ENDOD1: variants seen among roughly 807,000 people sequenced by gnomAD.
ENDOD1 encodes endonuclease domain-containing 1 protein.
Under a neutral mutation model 6.5 loss-of-function variants are expected in ENDOD1, and 9 were observed. That is an observed-to-expected ratio of 1.39 (90% CI 0.84 to 2.43). The LOEUF (loss-of-function observed/expected upper bound fraction) is 2.43. Among genes scored for constraint, ENDOD1 ranks in the 30% most tolerant of loss-of-function variants. The pLI, the probability that ENDOD1 is intolerant of heterozygous loss-of-function variation, is 0.00. For synonymous variants in ENDOD1, 255 were observed against 255.2 expected, an observed-to-expected ratio of 1.00 and a Z score of 0.01; for missense variants, 648 against 635.5, an observed-to-expected ratio of 1.02 and a Z score of -0.21.
In ENDOD1 at chr11:95,130,096, T is replaced by A. The variant is rs906996832; in HGVS notation, c.*517T>A. 1 of 152,692 alleles carries A rather than the reference T, an allele frequency of 6.5e-6. No homozygotes were observed. Among genetic ancestry groups the A allele is most frequent in the Non-Finnish European group, 1.5e-5 (1 of 68,414 alleles). The allele number at this position is 152,692 out of a possible 1,614,324, so 9.5% of individuals were successfully genotyped here. ...ACCTTGGTGGAATGCAGATAATGCC[T>A]CTTTGTTGAAATAACTTTGTGGGAA... On this transcript the variant is annotated 3_prime_UTR_variant, in exon 2 of 2. Transcript: ENST00000278505.
At chr11:95,122,624 A>ACACT (rs1491366974) in intron 1 of ENDOD1, among the ~76,000 whole-genome samples, 1 of 150,390 alleles carries the variant, frequency 6.6e-6, no homozygotes, top group Non-Finnish European at 1.5e-5. Context: ...ACACACACAC[A>ACACT]GACACTTTAG....
At chr11:95,094,030 A>G (rs1390272440) in intron 1 of ENDOD1, among the ~76,000 whole-genome samples, 18 of 151,902 alleles carry the variant, frequency 1.2e-4, no homozygotes, top group African/African-American at 4.1e-4. Context: ...TAAGATGCCA[A>G]TGATACCTTT....
chr11:95,089,896 C>T lies in ENDOD1; in HGVS notation c.-32C>T, dbSNP rs888489623. On this transcript the variant is annotated 5_prime_UTR_variant, in exon 1 of 2. Transcript: ENST00000278505. Reference sequence around the variant, plus strand: ...AGAGCTCGCGCCGCGGCAGCCCAGCCGCTCGGCCCCGCCGCGCTCGCAGAG... The same window carrying T: ...AGAGCTCGCGCCGCGGCAGCCCAGCTGCTCGGCCCCGCCGCGCTCGCAGAG... 4 of 1,306,662 alleles carry T rather than the reference C, an allele frequency of 3.1e-6. No homozygotes were observed. The highest frequency in any genetic ancestry group is 3.9e-6 in the Non-Finnish European group (4 of 1,025,176). 80.9% of individuals were successfully genotyped at this position (1,306,662 alleles called of 1,614,324 possible).
intron 1 of ENDOD1, among the ~76,000 whole-genome samples, chr11:95,120,804 A>ACG (rs1859255932): frequency 6.6e-6 from 1 of 152,184 alleles, no homozygotes. Context: ...ATAGCACTTT[A>ACG]GCCTACAGTG....
chr11:95,129,723 G>A lies in ENDOD1; in HGVS notation c.*144G>A. The stretch of plus-strand genomic sequence containing the variant: ...CTGCTTGTTTTTGCAAAAGAAGATG[G>A]CAGAATTTAGACTTGACAGAGGAGA... On this transcript the variant is annotated 3_prime_UTR_variant, in exon 2 of 2. Transcript: ENST00000278505. The A allele has an allele frequency of 1.2e-6, 1 of 817,224 alleles. No individual in the cohort carries two copies. The highest frequency in any genetic ancestry group is 1.9e-6 in the Non-Finnish European group (1 of 527,330). 50.6% of individuals were successfully genotyped at this position (817,224 alleles called of 1,614,324 possible).
At chr11:95,122,520 G>T (rs936483103) in intron 1 of ENDOD1, among the ~76,000 whole-genome samples, 1 of 149,992 alleles carries the variant, frequency 6.7e-6, no homozygotes, top group East Asian at 2.0e-4. Flanking sequence ...TTATATGTGC[G>T]TGAGCCACCA....
chr11:95,128,492 A>G lies in ENDOD1; in HGVS notation c.416A>G (p.Tyr139Cys). 1 of 1,614,248 alleles carries G rather than the reference A, an allele frequency of 6.2e-7. No homozygotes were observed. Among genetic ancestry groups the G allele is most frequent in the Non-Finnish European group, 8.5e-7 (1 of 1,180,052 alleles). The change falls in exon 2 of 2, where the codon TAC becomes TGC. Residue 139 changes from tyrosine to cysteine, a missense_variant. Coordinates refer to ENST00000278505, the MANE Select transcript of ENDOD1 (RefSeq NM_015036.3). ...ALNTDYLDSDYQRGQLYPFSL... is the reference protein window; with the variant it reads ...ALNTDYLDSDCQRGQLYPFSL... ...AATACAGATTACCTTGATTCTGATT[A>G]CCAAAGAGGACAGCTTTACCCATTC...
chr11:95,102,368 TA>T (rs34465864), intron 1 of ENDOD1, among the ~76,000 whole-genome samples: 1,974 of 128,970 alleles, frequency 0.015, 25 homozygotes, highest in African/African-American at 0.039. Flanking sequence ...CTTTCCTGCT[TA>T]AAAAAAAAAA....
chr11:95,111,018 A>G (rs1291135882), intron 1 of ENDOD1, among the ~76,000 whole-genome samples: 1 of 152,180 alleles, frequency 6.6e-6, no homozygotes, highest in Non-Finnish European at 1.5e-5. Flanking sequence ...TGGGCCAAAG[A>G]AGGACAGAAA....
intron 1 of ENDOD1, among the ~76,000 whole-genome samples, chr11:95,100,161 G>A (rs1859024141): frequency 6.6e-6 from 1 of 152,052 alleles, no homozygotes; most frequent in African/African-American, 2.4e-5. Context: ...CTCCTTAGTG[G>A]ACAGACTTCC....
chr11:95,090,182 C>T lies in ENDOD1; in HGVS notation c.255C>T (p.Arg85=). The change falls in exon 1 of 2, where the codon CGC becomes CGT. Residue 85 remains arginine, a synonymous_variant. Transcript: ENST00000278505. ...IPVYSAFRAP[R]PAPGGAEQRW... ...TGTACTCCGCGTTCCGCGCCCCGCG[C>T]CCTGCGCCCGGCGGCGCCGAGCAGC... 6 of 1,426,490 alleles carry T rather than the reference C, an allele frequency of 4.2e-6. No homozygotes were observed. The highest frequency in any genetic ancestry group is 5.6e-6 in the Non-Finnish European group (6 of 1,073,826). 88.4% of individuals were successfully genotyped at this position (1,426,490 alleles called of 1,614,324 possible). A position where few individuals can be genotyped will look rare whatever the true frequency, so the allele number is the denominator to read the frequency against.
intron 1 of ENDOD1, among the ~76,000 whole-genome samples, chr11:95,095,840 G>T (rs1858978536): frequency 6.6e-6 from 1 of 152,148 alleles, no homozygotes; most frequent in African/African-American, 2.4e-5. Flanking sequence ...CAAATCCAAA[G>T]CTCTTAACTC....
At chr11:95,092,838 T>G (rs551099875) in intron 1 of ENDOD1, among the ~76,000 whole-genome samples, 1 of 152,298 alleles carries the variant, frequency 6.6e-6, no homozygotes, top group South Asian at 2.1e-4. Context: ...CAGGGCTCAA[T>G]GTGTACCCTT....
rs185967865 is a variant in ENDOD1, at chr11:95,130,919, A to G, written c.*1340A>G. The G allele has an allele frequency of 1.3e-5, 2 of 152,378 alleles. No individual in the cohort carries two copies. Among genetic ancestry groups the G allele is most frequent in the East Asian group, 3.9e-4 (2 of 5,190 alleles). The allele number at this position is 152,378 out of a possible 1,614,324, so 9.4% of individuals were successfully genotyped here. A position where few individuals can be genotyped will look rare whatever the true frequency, so the allele number is the denominator to read the frequency against. On this transcript the variant is annotated 3_prime_UTR_variant, in exon 2 of 2. Transcript: ENST00000278505. ...TGGATTTTTCTGAATGTTTTAAAGA[A>G]TTGCTGAGAGGTAGAAACAGCCAAG...
In ENDOD1 at chr11:95,128,836, C is replaced by G. The variant is rs1859339476; in HGVS notation, c.760C>G (p.Leu254Val). The change falls in exon 2 of 2, where the codon CTT (leucine) becomes GTT (valine). Residue 254 changes from leucine to valine, a missense_variant. Physicochemically the swap from Leu to Val is conservative, Grantham distance 32. Coordinates refer to ENST00000278505, the MANE Select transcript of ENDOD1 (RefSeq NM_015036.3). ...DIIEDVMVKD[L>V]QKLLPFNPQL... Reference sequence around the variant, plus strand: ...CATAGAAGATGTGATGGTAAAAGATCTTCAGAAACTGCTTCCATTTAACCC... The same window carrying G: ...CATAGAAGATGTGATGGTAAAAGATGTTCAGAAACTGCTTCCATTTAACCC... The G allele has an allele frequency of 1.2e-6, 2 of 1,614,176 alleles. No individual in the cohort carries two copies. The highest frequency in any genetic ancestry group is 4.5e-5 in the East Asian group (2 of 44,868).
intron 1 of ENDOD1, among the ~76,000 whole-genome samples, chr11:95,096,710 C>T (rs962778607): frequency 6.6e-6 from 1 of 152,122 alleles, no homozygotes; most frequent in African/African-American, 2.4e-5. Context: ...AGCCCTGAGC[C>T]CTCTGTCAAT....
chr11:95,126,174 CA>C (rs1261879642), intron 1 of ENDOD1, among the ~76,000 whole-genome samples: 1 of 152,090 alleles, frequency 6.6e-6, no homozygotes, highest in African/African-American at 2.4e-5. Context: ...GCCTTTATAC[CA>C]AGTTGCTCAT....
intron 1 of ENDOD1, among the ~76,000 whole-genome samples, chr11:95,102,549 G>A (rs1467279530): frequency 6.6e-6 from 1 of 152,090 alleles, no homozygotes; most frequent in Admixed American, 6.5e-5. Context: ...GCACATGCCT[G>A]TAATCCCAGC....
chr11:95,089,888 AG>A lies in ENDOD1; in HGVS notation c.-39del. 7.7e-7 allele frequency: 1 copy of A among 1,297,032 alleles called. No individual in the cohort carries two copies. The highest frequency in any genetic ancestry group is 9.8e-7 in the Non-Finnish European group (1 of 1,020,124). 80.3% of individuals were successfully genotyped at this position (1,297,032 alleles called of 1,614,324 possible). A position where few individuals can be genotyped will look rare whatever the true frequency, so the allele number is the denominator to read the frequency against. Reference sequence around the variant, plus strand: ...CAGCCTGCAGAGCTCGCGCCGCGGCAGCCCAGCCGCTCGGCCCCGCCGCGCT... The same window carrying A: ...CAGCCTGCAGAGCTCGCGCCGCGGCACCCAGCCGCTCGGCCCCGCCGCGCT... On this transcript the variant is annotated 5_prime_UTR_variant, in exon 1 of 2. Coordinates refer to ENST00000278505, the MANE Select transcript of ENDOD1 (RefSeq NM_015036.3).
Sources: gnomAD v4.1 joint callset for allele counts (sites outside exome capture counted in the v4.1 genomes callset) on GRCh38, gnomAD v4.1.1 for gene constraint, MANE v1.5 for transcripts, NCBI Gene and HGNC (gene_info 2026-07-23, HGNC 2026-07-21) for gene names.